The following OCIAD1 variants were observed in gnomAD, a reference collection of about 807,000 sequenced individuals.
OCIAD1 encodes the protein OCIA domain containing 1, also known as OCIA domain-containing protein 1.
In OCIAD1, 29 loss-of-function variants were observed where a neutral mutation model predicts 38.9. The ratio of observed to expected loss-of-function variants is 0.74; its 90% CI spans 0.55 to 1.02. OCIAD1 has a LOEUF of 1.02. OCIAD1 is among the 50% of genes least tolerant of loss of function. The probability of loss-of-function intolerance (pLI) is 0.00; values close to 1 mark genes in which losing one functional copy is unlikely to be tolerated. For missense variants in OCIAD1, 288 were observed against 289.6 expected, an observed-to-expected ratio of 0.99 and a Z score of 0.04; for synonymous variants, 110 against 92.0, an observed-to-expected ratio of 1.20 and a Z score of -1.12.
At chr4:48,817,910 G>T (rs993864995) in intron 1 of OCIAD1, among the ~76,000 whole-genome samples, 1 of 152,200 alleles carries the variant, frequency 6.6e-6, no homozygotes, top group Non-Finnish European at 1.5e-5. Context: ...CCTAGTCAGG[G>T]ACTTACAGAC....
chr4:48,831,128 TC>T lies in OCIAD1; in HGVS notation c.-122del. 3.6e-6 allele frequency: 1 copy of T among 280,658 alleles called. No homozygotes were observed. The highest frequency in any genetic ancestry group is 3.2e-5 in the South Asian group (1 of 31,442). 17.4% of individuals were successfully genotyped at this position (280,658 alleles called of 1,614,324 possible). A position where few individuals can be genotyped will look rare whatever the true frequency, so the allele number is the denominator to read the frequency against. Reference sequence around the variant, plus strand: ...TGACTTCTTGCGGCTGTTCTACCCCTCCCCCTCCCCGCGGTACCTTGCACTT... The same window carrying T: ...TGACTTCTTGCGGCTGTTCTACCCCTCCCCTCCCCGCGGTACCTTGCACTT... On this transcript the variant is annotated 5_prime_UTR_variant, in exon 1 of 9. An upstream open reading frame in the 5' UTR loses its in-frame stop. Transcript: ENST00000264312.
chr4:48,831,559 C>CTT, intron 1 of OCIAD1: 1 of 1,290,238 alleles, frequency 7.8e-7, no homozygotes, highest in Non-Finnish European at 1.0e-6. Flanking sequence ...GCCGCTTAGG[C>CTT]TTTAATCCAG....
At chr4:48,809,724 T>C (rs1777066165) in intron 1 of OCIAD1, among the ~76,000 whole-genome samples, 2 of 152,120 alleles carry the variant, frequency 1.3e-5, no homozygotes, top group African/African-American at 4.8e-5. Flanking sequence ...TGTTGGTGCA[T>C]ATGCTGCACT....
intron 6 of OCIAD1, among the ~76,000 whole-genome samples, chr4:48,851,172 C>T (rs1165811949): frequency 2.0e-5 from 3 of 152,146 alleles, no homozygotes; most frequent in Non-Finnish European, 2.9e-5. Context: ...ACATGGGAAA[C>T]GGGCATGGTT....
intron 1 of OCIAD1, among the ~76,000 whole-genome samples, chr4:48,824,295 G>A (rs1777226914): frequency 6.6e-6 from 1 of 151,954 alleles, no homozygotes; most frequent in African/African-American, 2.4e-5. Context: ...ATTTTTAATA[G>A]TTTCCATTAA....
intron 7 of OCIAD1, 60 bp from the exon 8 acceptor site, chr4:48,857,153 A>T: frequency 9.7e-7 from 1 of 1,030,366 alleles, no homozygotes; most frequent in Non-Finnish European, 1.3e-6. Context: ...TGTAAAATTT[A>T]GTTGCTTTAG....
chr4:48,845,172 A>G (rs1384921587), intron 4 of OCIAD1, among the ~76,000 whole-genome samples: 3 of 152,016 alleles, frequency 2.0e-5, no homozygotes, highest in Non-Finnish European at 4.4e-5. Context: ...ATCCTCCCTC[A>G]TTTGTTTTTC....
chr4:48,825,295 CATGCATCCAGGGTATCTAGGGT>C (rs1182757294), intron 1 of OCIAD1, among the ~76,000 whole-genome samples: 7 of 152,190 alleles, frequency 4.6e-5, no homozygotes, highest in Non-Finnish European at 7.3e-5. Flanking sequence ...CCTGCCATCC[CATGCATCCAGGGTATCTAGGGT>C]ATGCATCCAG....
At chr4:48,841,541 A>T (rs1778533924) in intron 3 of OCIAD1, among the ~76,000 whole-genome samples, 1 of 152,162 alleles carries the variant, frequency 6.6e-6, no homozygotes, top group East Asian at 1.9e-4. Context: ...CTGGTCACTT[A>T]TTCACCCTCT....
intron 6 of OCIAD1, among the ~76,000 whole-genome samples, chr4:48,851,147 T>C (rs1338397023): frequency 1.3e-5 from 2 of 152,246 alleles, no homozygotes; most frequent in Non-Finnish European, 1.5e-5. Context: ...AGCTGTGATA[T>C]TACCTTCTCA....
At chr4:48,847,336 T>C (rs1779058733) in intron 4 of OCIAD1, among the ~76,000 whole-genome samples, 1 of 152,228 alleles carries the variant, frequency 6.6e-6, no homozygotes, top group African/African-American at 2.4e-5. Context: ...CTGTATACTT[T>C]GGAATTGAGT....
chr4:48,850,060 G>A lies in OCIAD1; in HGVS notation c.355G>A (p.Ala119Thr), dbSNP rs1469980557. The A allele has an allele frequency of 2.5e-6, 4 of 1,612,184 alleles. No individual in the cohort carries two copies. Among genetic ancestry groups the A allele is most frequent in the Non-Finnish European group, 3.4e-6 (4 of 1,179,530 alleles). ...TGGAGAAGCTTTACGATCAGGACAA[G>A]CACGACGATCTTCACCACCTGGGTA... ...PLGEALRSGQARRSSPPGHYY... is the reference protein window; with the variant it reads ...PLGEALRSGQTRRSSPPGHYY... Residue 119 changes from alanine to threonine, a missense_variant, in exon 6 of 9, where the codon GCA becomes ACA. Coordinates refer to ENST00000264312, the MANE Select transcript of OCIAD1 (RefSeq NM_017830.4).
chr4:48,859,513 G>C (rs1272917789), intron 8 of OCIAD1, among the ~76,000 whole-genome samples: 1 of 152,156 alleles, frequency 6.6e-6, no homozygotes, highest in African/African-American at 2.4e-5. Flanking sequence ...TGGTAATAGA[G>C]GTTAAGAAAG....
intron 4 of OCIAD1, 126 bp from the exon 5 acceptor site, chr4:48,848,273 A>G: frequency 4.3e-6 from 2 of 466,294 alleles, no homozygotes; most frequent in Non-Finnish European, 7.7e-6. Flanking sequence ...TTTCCCTATT[A>G]AACAGTCTAG....
chr4:48,810,325 C>T (rs556104593), intron 1 of OCIAD1, among the ~76,000 whole-genome samples: 53 of 151,806 alleles, frequency 3.5e-4, no homozygotes, highest in South Asian at 1.7e-3. Context: ...AAAAATTAGC[C>T]GGGCGCGGTG....
intron 3 of OCIAD1, among the ~76,000 whole-genome samples, chr4:48,835,088 C>T (rs1777865015): frequency 2.0e-5 from 3 of 152,176 alleles, no homozygotes; most frequent in Non-Finnish European, 2.9e-5. Flanking sequence ...CGTGCGCCAC[C>T]ATGCCCGGCT....
intron 4 of OCIAD1, 75 bp from the exon 5 acceptor site, chr4:48,848,324 A>G (rs1779138990): frequency 2.7e-6 from 2 of 730,496 alleles, no homozygotes; most frequent in Admixed American, 4.4e-5. Context: ...TTGTAAGATT[A>G]TATTTAAAGA....
At chr4:48,831,611 C>A in intron 1 of OCIAD1, 1 of 1,194,846 alleles carries the variant, frequency 8.4e-7, no homozygotes, top group Non-Finnish European at 1.1e-6. Flanking sequence ...TTGTCTTAAG[C>A]GCCGTGTCAG....
intron 4 of OCIAD1, among the ~76,000 whole-genome samples, chr4:48,847,697 A>T (rs1337304520): frequency 6.6e-6 from 1 of 152,128 alleles, no homozygotes. Context: ...GCAGGTGTGG[A>T]TCTGTTTCTG....
Sources: gnomAD v4.1 joint callset for allele counts (sites outside exome capture counted in the v4.1 genomes callset) on GRCh38, gnomAD v4.1.1 for gene constraint, MANE v1.5 for transcripts, NCBI Gene and HGNC (gene_info 2026-07-23, HGNC 2026-07-21) for gene names.